The following HPSE2 variants were observed in gnomAD, a reference collection of about 807,000 sequenced individuals.
HPSE2 encodes the protein inactive heparanase-2.
Under a neutral mutation model 60.5 loss-of-function variants are expected in HPSE2, and 38 were observed. That is an observed-to-expected ratio of 0.63 (90% CI 0.48 to 0.82). HPSE2 has a LOEUF of 0.82. HPSE2 is among the 40% of genes least tolerant of loss of function. HPSE2 has a pLI of 0.00. For synonymous variants in HPSE2, 295 were observed against 293.2 expected (o/e 1.01, Z -0.06); for missense variants, 713 against 740.4 (o/e 0.96, Z 0.43).
rs775967253 is a variant in HPSE2, at chr10:98,482,737, C to A, written c.1512G>T (p.Leu504Phe). Reference sequence around the variant, plus strand: ...GCTTGATTTTCTTTCTTGATCGATGCAAGTTGATGATAAAAAGTGTAATGG... The same window carrying A: ...GCTTGATTTTCTTTCTTGATCGATGAAAGTTGATGATAAAAAGTGTAATGG... ...RGSITLFIIN[L>F]HRSRKKIKLA... is the part of the protein sequence containing the mutation. The change falls in exon 11 of 12, where the codon TTG becomes TTT. Residue 504 changes from leucine (L) to phenylalanine (F), a missense_variant. Coordinates refer to ENST00000370552, the MANE Select transcript of HPSE2 (RefSeq NM_021828.5). 2 of 1,614,088 alleles carry A rather than the reference C, an allele frequency of 1.2e-6. No homozygotes were observed. The highest frequency in any genetic ancestry group is 1.7e-6 in the Non-Finnish European group (2 of 1,180,004).
the HPSE2 span, among the ~76,000 whole-genome samples, chr10:99,298,304 C>G: frequency 6.6e-6 from 1 of 152,230 alleles, no homozygotes; most frequent in Non-Finnish European, 1.5e-5. Context: ...AGCTTGTAAT[C>G]TACTTTTGTA....
At chr10:98,878,199 G>C (rs767364376) in intron 3 of HPSE2, among the ~76,000 whole-genome samples, 2 of 151,932 alleles carry the variant, frequency 1.3e-5, no homozygotes, top group African/African-American at 2.4e-5. Flanking sequence ...CTTCTCCAAC[G>C]TATTGCCTGG....
chr10:99,120,477 A>AT (rs34044256), intron 3 of HPSE2, among the ~76,000 whole-genome samples: 74,492 of 147,594 alleles, frequency 0.5, 20,235 homozygotes, highest in East Asian at 0.64. Context: ...AGCCATTCTA[A>AT]TTTTTTTTTT....
At chr10:99,143,390 A>G (rs180819054) in intron 3 of HPSE2, among the ~76,000 whole-genome samples, 43 of 152,352 alleles carry the variant, frequency 2.8e-4, no homozygotes, top group Middle Eastern at 3.4e-3. Context: ...GCTTACAAAA[A>G]TAAGTGTGAG....
rs1464348765 is a variant in HPSE2 at position 98,976,397 on chromosome 10, C to T, written c.610+167841G>A. Among the ~76,000 whole-genome samples the T allele has an allele frequency of 2.0e-5, 3 of 152,232 alleles. No individual in the cohort carries two copies. In the South Asian group the frequency reaches 6.2e-4, roughly 32 times the overall value. On this transcript the variant is annotated intron_variant, in intron 3 of 11. Transcript: ENST00000370552. ...AAGTACAATTATAATTCCAATTTTA[C>T]AGGCAAGACTTATTTAAGGCCATGT...
intron 3 of HPSE2, among the ~76,000 whole-genome samples, chr10:99,009,264 A>C (rs1035465683): frequency 1.3e-5 from 2 of 150,298 alleles, no homozygotes; most frequent in Admixed American, 6.6e-5. Context: ...AAAAAAAAAA[A>C]AAAACATTGC....
chr10:99,300,413 C>T, the HPSE2 span, among the ~76,000 whole-genome samples: 1 of 152,148 alleles, frequency 6.6e-6, no homozygotes, highest in Non-Finnish European at 1.5e-5. Context: ...ATAGGAGTAG[C>T]CTACTCAGAT....
intron 3 of HPSE2, among the ~76,000 whole-genome samples, chr10:98,965,815 C>T (rs919439903): frequency 5.9e-5 from 9 of 152,160 alleles, no homozygotes; most frequent in Admixed American, 1.3e-4. Context: ...ATTACATGCT[C>T]CTTGAAGACT....
At chr10:98,477,471 C>T (rs1312274194) in intron 11 of HPSE2, among the ~76,000 whole-genome samples, 1 of 152,206 alleles carries the variant, frequency 6.6e-6, no homozygotes, top group African/African-American at 2.4e-5. Context: ...CTTGTTCCCT[C>T]AGGTCAATGT....
chr10:99,052,206 T>C, intron 3 of HPSE2, among the ~76,000 whole-genome samples: 1 of 150,944 alleles, frequency 6.6e-6, no homozygotes, highest in East Asian at 2.0e-4. Flanking sequence ...AATGAAAAGA[T>C]GGAAAATCTA....
chr10:98,875,468 C>T (rs900583001), intron 3 of HPSE2, among the ~76,000 whole-genome samples: 1 of 151,942 alleles, frequency 6.6e-6, no homozygotes, highest in African/African-American at 2.4e-5. Flanking sequence ...CCTCCCAAGA[C>T]TAAACCAGGA....
chr10:99,059,214 A>T (rs527611600), intron 3 of HPSE2, among the ~76,000 whole-genome samples: 3 of 152,204 alleles, frequency 2.0e-5, no homozygotes, highest in Non-Finnish European at 4.4e-5. Flanking sequence ...ACCAGTAAAG[A>T]CCATTATACA....
the HPSE2 span, among the ~76,000 whole-genome samples, chr10:99,240,874 C>G: frequency 2.6e-5 from 4 of 152,056 alleles, no homozygotes; most frequent in Non-Finnish European, 1.5e-5. Context: ...GCCTAGCTGT[C>G]TAATAGAAAT....
intron 9 of HPSE2, among the ~76,000 whole-genome samples, chr10:98,599,918 G>T (rs906180748): frequency 1.3e-5 from 2 of 152,106 alleles, no homozygotes; most frequent in African/African-American, 4.8e-5. Flanking sequence ...TAATTTTAAA[G>T]ACAAATAGTC....
intron 3 of HPSE2, among the ~76,000 whole-genome samples, chr10:99,049,264 T>C (rs1158573142): frequency 6.6e-6 from 1 of 152,240 alleles, no homozygotes; most frequent in Non-Finnish European, 1.5e-5. Context: ...ATGCCATTGA[T>C]CTTTTCATTT....
intron 3 of HPSE2, among the ~76,000 whole-genome samples, chr10:98,760,607 T>G (rs913296829): frequency 2.0e-5 from 3 of 152,116 alleles, no homozygotes; most frequent in African/African-American, 7.2e-5. Context: ...CATTTAGTGA[T>G]TTGTGTATAC....
intron 3 of HPSE2, among the ~76,000 whole-genome samples, chr10:98,750,454 T>G (rs576581190): frequency 3.8e-4 from 58 of 152,302 alleles, no homozygotes; most frequent in Non-Finnish European, 6.0e-4. Flanking sequence ...CTCTGGCTGC[T>G]GAGCTGAAGA....
Position 99,055,635 on chromosome 10 carries a change from A to G in HPSE2, c.610+88603T>C, listed in dbSNP as rs532036573. The stretch of plus-strand genomic sequence containing the variant: ...CTGAAACTCACAAGTATGTTATCTT[A>G]CCACAAAATTAAATTGAAAATCAAT... On this transcript the variant is annotated intron_variant, in intron 3 of 11. Transcript: ENST00000370552. Among the ~76,000 whole-genome samples, 3 of 152,286 alleles carry G rather than the reference A, an allele frequency of 2.0e-5. No homozygotes were observed. The South Asian group carries it at 6.2e-4, about 32-fold the overall frequency.
Position 99,126,353 on chromosome 10 carries a change from G to A in HPSE2, c.610+17885C>T, listed in dbSNP as rs1019305253. Among the ~76,000 whole-genome samples the A allele has an allele frequency of 7.9e-5, 12 of 151,338 alleles. No homozygotes were observed. The highest frequency in any genetic ancestry group is 2.7e-4 in the African/African-American group (11 of 41,292). On this transcript the variant is annotated intron_variant, in intron 3 of 11. Transcript: ENST00000370552. This position sits in a 1 kb window ranked among gnomAD's most constrained non-coding sequence, Gnocchi z 4.0. Reference sequence around the variant, plus strand: ...TCACCTAACCCTGCCCCAACCTGATGGTATTTCACTACCTGCCCTAGTAGC... The same window carrying A: ...TCACCTAACCCTGCCCCAACCTGATAGTATTTCACTACCTGCCCTAGTAGC...
Sources: gnomAD v4.1 joint callset for allele counts (sites outside exome capture counted in the v4.1 genomes callset) on GRCh38, gnomAD v4.1.1 for gene constraint, Gnocchi (gnomAD v3.1) non-coding constraint, MANE v1.5 for transcripts, NCBI Gene and HGNC (gene_info 2026-07-23, HGNC 2026-07-21) for gene names.